BNC2: variants seen among roughly 807,000 people sequenced by gnomAD.
BNC2 encodes zinc finger protein basonuclin-2.
In BNC2, 20 loss-of-function variants were observed where a neutral mutation model predicts 76.3. The observed-to-expected ratio is 0.26, with a 90% CI of 0.18 to 0.38. The LOEUF (loss-of-function observed/expected upper bound fraction) is 0.38. Among genes scored for constraint, BNC2 ranks in the 10% least tolerant of loss-of-function variants. The pLI is 1.00. For synonymous variants in BNC2, 582 were observed against 514.8 expected, an observed-to-expected ratio of 1.13 and a Z score of -1.77; for missense variants, 1,382 against 1,399.8, an observed-to-expected ratio of 0.99 and a Z score of 0.20.
In BNC2 at chr9:16,417,824, T is replaced by C. The variant is rs1252057458; in HGVS notation, c.*1165A>G. 5 of 152,682 alleles carry C rather than the reference T, an allele frequency of 3.3e-5. No homozygotes were observed. Among genetic ancestry groups the C allele is most frequent in the Non-Finnish European group, 7.3e-5 (5 of 68,044 alleles). 9.5% of individuals were successfully genotyped at this position (152,682 alleles called of 1,614,324 possible). On this transcript the variant is annotated 3_prime_UTR_variant, in exon 7 of 7. Coordinates refer to ENST00000380672, the MANE Select transcript of BNC2 (RefSeq NM_017637.6). ...ACCACATAATTTTGTTTTCCTTTTA[T>C]GTAACTTAACGTATAAGCAAGAAGG...
intron 3 of BNC2, among the ~76,000 whole-genome samples, chr9:16,719,391 T>A (rs1256243287): frequency 6.6e-6 from 1 of 152,194 alleles, no homozygotes; most frequent in Non-Finnish European, 1.5e-5. Flanking sequence ...CATTTTAATA[T>A]TAGTTTTGTT....
chr9:16,865,914 T>C (rs1819533011), intron 1 of BNC2, among the ~76,000 whole-genome samples: 1 of 152,172 alleles, frequency 6.6e-6, no homozygotes, highest in South Asian at 2.1e-4. Flanking sequence ...AATTAAATTA[T>C]AGCTGAACTC....
At chr9:16,823,162 T>A (rs1267035913) in intron 1 of BNC2, among the ~76,000 whole-genome samples, 1 of 152,176 alleles carries the variant, frequency 6.6e-6, no homozygotes, top group Non-Finnish European at 1.5e-5. Flanking sequence ...AGAACCACAG[T>A]AAATAGTTTA....
intron 2 of BNC2, among the ~76,000 whole-genome samples, chr9:16,733,805 A>G (rs1452223402): frequency 6.6e-6 from 1 of 151,890 alleles, no homozygotes; most frequent in Non-Finnish European, 1.5e-5. Flanking sequence ...AATCGCTTGA[A>G]CTTGGGAGGT....
intron 5 of BNC2, among the ~76,000 whole-genome samples, chr9:16,506,872 C>T (rs879841774): frequency 2.0e-5 from 3 of 152,098 alleles, no homozygotes; most frequent in Non-Finnish European, 2.9e-5. Flanking sequence ...CTGCCTCAGC[C>T]TCCCGAGTAG....
intron 5 of BNC2, among the ~76,000 whole-genome samples, chr9:16,443,490 C>T (rs1233606864): frequency 6.6e-6 from 1 of 151,840 alleles, no homozygotes; most frequent in African/African-American, 2.4e-5. Context: ...AATTTCAAGC[C>T]TACCTAGCTT....
chr9:16,442,198 G>A (rs749693204), intron 5 of BNC2, among the ~76,000 whole-genome samples: 3 of 152,176 alleles, frequency 2.0e-5, no homozygotes, highest in Non-Finnish European at 4.4e-5. Context: ...TTGATTTCCT[G>A]TGAAAATAAC....
chr9:16,767,772 T>C (rs572590844), intron 1 of BNC2, among the ~76,000 whole-genome samples: 1 of 152,250 alleles, frequency 6.6e-6, no homozygotes, highest in East Asian at 1.9e-4. Context: ...ACTTCAACAA[T>C]TATCAGCACA....
Position 16,700,587 on chromosome 9 carries a change from A to C in BNC2, c.330+27210T>G, listed in dbSNP as rs541328935. On this transcript the variant is annotated intron_variant, in intron 3 of 6. Transcript: ENST00000380672. ...CAGCCTCCCAAGCAGCTGGGACTAT[A>C]GGTGCGTGCCAGCAACCTGGCTTGT... Among the ~76,000 whole-genome samples, 3 of 152,304 alleles carry C rather than the reference A, an allele frequency of 2.0e-5. No homozygotes were observed. In the East Asian group the frequency reaches 5.8e-4, roughly 29 times the overall value.
chr9:16,778,341 C>G (rs1403072930), intron 1 of BNC2, among the ~76,000 whole-genome samples: 1 of 152,086 alleles, frequency 6.6e-6, no homozygotes, highest in Admixed American at 6.5e-5. Context: ...TGACAAAATT[C>G]CAGAGTCTTC....
At chr9:16,867,980 C>T (rs1380351322) in intron 1 of BNC2, 1 of 152,154 alleles carries the variant, frequency 6.6e-6, no homozygotes, top group Non-Finnish European at 1.5e-5. Flanking sequence ...CCGCCTAACC[C>T]GCCTCTCTGT....
chr9:16,603,918 A>G (rs1220230701), intron 3 of BNC2, among the ~76,000 whole-genome samples: 1 of 152,130 alleles, frequency 6.6e-6, no homozygotes, highest in Non-Finnish European at 1.5e-5. Flanking sequence ...GTACTGCTTA[A>G]AATGTTAGAA....
At chr9:16,491,016 GGA>G (rs1291976628) in intron 5 of BNC2, among the ~76,000 whole-genome samples, 1 of 152,166 alleles carries the variant, frequency 6.6e-6, no homozygotes, top group Non-Finnish European at 1.5e-5. Flanking sequence ...GCAGAGGTGT[GGA>G]GGCGGAGCAC....
intron 3 of BNC2, among the ~76,000 whole-genome samples, chr9:16,586,601 C>CCT (rs4007742): frequency 9.3e-5 from 14 of 150,890 alleles, no homozygotes; most frequent in African/African-American, 2.7e-4. Context: ...ACTGCTCTCT[C>CCT]CTCTCTCTCT....
At chr9:16,846,482 A>T (rs1232111222) in intron 1 of BNC2, among the ~76,000 whole-genome samples, 3 of 152,218 alleles carry the variant, frequency 2.0e-5, no homozygotes, top group African/African-American at 7.2e-5. Context: ...CACGCAACAC[A>T]GCACAGCGCT....
chr9:16,456,468 T>C (rs2131152234), intron 5 of BNC2, among the ~76,000 whole-genome samples: 1 of 148,426 alleles, frequency 6.7e-6, no homozygotes, highest in South Asian at 2.2e-4. Flanking sequence ...GGGATGGAGC[T>C]TGCAGTGAGC....
rs1820575267 is a variant in BNC2, at chr9:16,415,879, A to G, written c.*3110T>C. 6.6e-6 allele frequency: 1 copy of G among 152,234 alleles called. No homozygotes were observed. The highest frequency in any genetic ancestry group is 2.4e-5 in the African/African-American group (1 of 41,468). 9.4% of individuals were successfully genotyped at this position (152,234 alleles called of 1,614,324 possible). A position where few individuals can be genotyped will look rare whatever the true frequency, so the allele number is the denominator to read the frequency against. On this transcript the variant is annotated 3_prime_UTR_variant, in exon 7 of 7. Transcript: ENST00000380672. ...GCACTTGAGGCACAAAAGTAGTAGC[A>G]AATAGGGGAGATACTTAAAAAGTGT...
chr9:16,514,206 G>A (rs894553567), intron 5 of BNC2, among the ~76,000 whole-genome samples: 1 of 152,198 alleles, frequency 6.6e-6, no homozygotes. Flanking sequence ...GGTTTCAAGG[G>A]ATGAAATACT....
intron 3 of BNC2, among the ~76,000 whole-genome samples, chr9:16,702,925 T>C (rs1350792606): frequency 6.6e-6 from 1 of 152,234 alleles, no homozygotes; most frequent in Non-Finnish European, 1.5e-5. Context: ...ACCCATTTTT[T>C]CACTATTCCA....
Sources: allele counts gnomAD v4.1 joint callset (sites outside exome capture counted in the v4.1 genomes callset), GRCh38; gene constraint gnomAD v4.1.1; transcripts MANE v1.5; gene names NCBI Gene and HGNC (gene_info 2026-07-23, HGNC 2026-07-21).